Variants in MAP6 observed in about 807,000 individuals in gnomAD.
MAP6 encodes microtubule associated protein 6.
A neutral mutation model predicts 42.4 loss-of-function variants in MAP6; 26 were observed. That is an observed-to-expected ratio of 0.61 (90% CI 0.45 to 0.85). The LOEUF is 0.85. Ranked by LOEUF, MAP6 falls within the 40% of genes least tolerant of loss-of-function variation. The pLI is 0.00. For synonymous variants in MAP6, 418 were observed against 443.8 expected (o/e 0.94, Z 0.73); for missense variants, 966 against 1,099.0 (o/e 0.88, Z 1.71).
intron 1 of MAP6, among the ~76,000 whole-genome samples, chr11:75,645,465 G>A (rs1943540864): frequency 6.6e-6 from 1 of 152,094 alleles, no homozygotes; most frequent in South Asian, 2.1e-4. Context: ...CCAAGCTGAG[G>A]AATTAAGGTA....
intron 2 of MAP6, chr11:75,607,805 C>T (rs1942807498): frequency 4.0e-5 from 14 of 354,132 alleles, no homozygotes; most frequent in Non-Finnish European, 5.5e-5. Flanking sequence ...ATTTAGGGCT[C>T]AGGTGAGGTT....
Position 75,587,590 on chromosome 11 carries a change from C to T in MAP6, c.1911G>A (p.Lys637=). The change falls in exon 4 of 4, where the codon AAG becomes AAA. Residue 637 remains lysine, a synonymous_variant. Coordinates refer to ENST00000304771, the MANE Select transcript of MAP6 (RefSeq NM_033063.2). The part of the protein sequence containing the change: ...DEGPMVSAPI[K]DQDPMVPEHP... ...GCTCTGGGACCATGGGATCTTGATCCTTGATAGGTGCTGAGACCATGGGAC... is the reference window on the plus strand; with the variant it reads ...GCTCTGGGACCATGGGATCTTGATCTTTGATAGGTGCTGAGACCATGGGAC... 6.2e-7 allele frequency: 1 copy of T among 1,614,196 alleles called. No homozygotes were observed.
At position 75,668,104 on chromosome 11, in the gene MAP6, G is replaced by A. The variant is rs1943996243; in HGVS notation, c.266C>T (p.Pro89Leu). The change falls in exon 1 of 4, where the codon CCT becomes CTT. Residue 89 changes from proline to leucine, a missense_variant. Physicochemically the swap from Pro to Leu is moderately conservative, Grantham distance 98 (BLOSUM62 -3). This residue lies in a region of MAP6 where 943 missense variants were observed against 1,049.9 expected (regional missense o/e 0.90). Coordinates refer to ENST00000304771, the MANE Select transcript of MAP6 (RefSeq NM_033063.2). Reference sequence around the variant, plus strand: ...CGCCGCCGGCTCGCGCTCGCCGGTAGGCCCAGGCGCTGGCCCCGTTGCCCG... The same window carrying A: ...CGCCGCCGGCTCGCGCTCGCCGGTAAGCCCAGGCGCTGGCCCCGTTGCCCG... The part of the protein sequence containing the change: ...VARATGPAPG[P>L]TGEREPAAGP... 26 of 1,209,576 alleles carry A rather than the reference G, an allele frequency of 2.1e-5. No homozygotes were observed. In the South Asian group the frequency reaches 7.3e-4, roughly 34 times the overall value. The allele number at this position is 1,209,576 out of a possible 1,614,324, so 74.9% of individuals were successfully genotyped here.
intron 3 of MAP6, among the ~76,000 whole-genome samples, chr11:75,590,825 G>C (rs1942464322): frequency 6.6e-6 from 1 of 152,112 alleles, no homozygotes; most frequent in African/African-American, 2.4e-5. Context: ...AAATTAGCTG[G>C]GTGTGGTGGC....
At chr11:75,618,130 A>G (rs565021330) in intron 1 of MAP6, among the ~76,000 whole-genome samples, 23 of 151,174 alleles carry the variant, frequency 1.5e-4, no homozygotes, top group African/African-American at 5.1e-4. Flanking sequence ...TTTTTTTGAA[A>G]AAAGTGCTTA....
chr11:75,657,474 T>C (rs1943771476), intron 1 of MAP6, among the ~76,000 whole-genome samples: 1 of 152,148 alleles, frequency 6.6e-6, no homozygotes, highest in African/African-American at 2.4e-5. Flanking sequence ...TACTGGTGTG[T>C]AGTGCATCGA....
intron 1 of MAP6, among the ~76,000 whole-genome samples, chr11:75,663,917 A>G (rs1943899216): frequency 6.6e-6 from 1 of 152,206 alleles, no homozygotes; most frequent in Non-Finnish European, 1.5e-5. Flanking sequence ...ACCCTGGTTT[A>G]TTAATTCTAC....
Position 75,605,848 on chromosome 11 carries a change from G to A in MAP6, c.1276C>T (p.Gln426Ter). 1.2e-6 allele frequency: 2 copies of A among 1,614,014 alleles called. No homozygotes were observed. Among genetic ancestry groups the A allele is most frequent in the Non-Finnish European group, 1.7e-6 (2 of 1,180,024 alleles). ...AGTTTATTGTTCATCTCTTTGCTTT[G>A]CTCCTTGTCGTCTGGCTTGGTGGTA... ...PSTTKPDDKE[Q>*]SKEMNNKLAE... Residue 426 changes from glutamine to a stop codon, truncating the protein, a stop_gained, in exon 3 of 4, where the codon CAA (glutamine) becomes TAA (stop). Coordinates refer to ENST00000304771, the MANE Select transcript of MAP6 (RefSeq NM_033063.2). LOFTEE classifies it low-confidence loss of function (END_TRUNC).
At chr11:75,639,217 G>A (rs1204756702) in intron 1 of MAP6, among the ~76,000 whole-genome samples, 2 of 152,242 alleles carry the variant, frequency 1.3e-5, no homozygotes, top group East Asian at 3.9e-4. Flanking sequence ...TTTGGGTGAT[G>A]GGTACACTAA....
At chr11:75,611,418 T>C (rs1483615236) in intron 1 of MAP6, among the ~76,000 whole-genome samples, 1 of 152,242 alleles carries the variant, frequency 6.6e-6, no homozygotes, top group Non-Finnish European at 1.5e-5. Flanking sequence ...GTCTCACCTG[T>C]GAGCACTAAC....
intron 1 of MAP6, among the ~76,000 whole-genome samples, chr11:75,644,364 C>T (rs1231141721): frequency 1.3e-5 from 2 of 152,078 alleles, no homozygotes; most frequent in East Asian, 3.8e-4. Context: ...ATATAATGTA[C>T]ACAAAGCTGT....
intron 3 of MAP6, among the ~76,000 whole-genome samples, chr11:75,598,205 T>A (rs1361158113): frequency 6.6e-6 from 1 of 152,228 alleles, no homozygotes; most frequent in Non-Finnish European, 1.5e-5. Flanking sequence ...TTTGTATTAT[T>A]GTTATCTATT....
chr11:75,622,426 AAAG>A (rs1477940270), intron 1 of MAP6, among the ~76,000 whole-genome samples: 1 of 152,160 alleles, frequency 6.6e-6, no homozygotes. Context: ...AAATGTAAAA[AAAG>A]AAGTGCAATG....
At chr11:75,603,088 C>A (rs1942694434) in intron 3 of MAP6, 1 of 985,594 alleles carries the variant, frequency 1.0e-6, no homozygotes. Flanking sequence ...TAATTAGACA[C>A]TTCCTGTCTG....
At chr11:75,621,972 G>A (rs959110018) in intron 1 of MAP6, among the ~76,000 whole-genome samples, 10 of 151,922 alleles carry the variant, frequency 6.6e-5, no homozygotes, top group African/African-American at 2.4e-4. Context: ...GTAGTGATCT[G>A]AGATCATGCC....
chr11:75,625,317 T>A (rs889995590), intron 1 of MAP6, among the ~76,000 whole-genome samples: 3 of 152,216 alleles, frequency 2.0e-5, no homozygotes, highest in Non-Finnish European at 4.4e-5. Flanking sequence ...TGAAAACACC[T>A]AGTCTTTGGG....
intron 3 of MAP6, among the ~76,000 whole-genome samples, chr11:75,593,115 C>G (rs1942509670): frequency 1.3e-5 from 2 of 152,224 alleles, no homozygotes; most frequent in African/African-American, 4.8e-5. Flanking sequence ...CTTATCTCAG[C>G]TAATTCCTTG....
chr11:75,635,399 G>A (rs1351169721), intron 1 of MAP6, among the ~76,000 whole-genome samples: 2 of 152,238 alleles, frequency 1.3e-5, no homozygotes, highest in African/African-American at 4.8e-5. Context: ...TGCTTACAAA[G>A]TGTTCGTCTC....
At chr11:75,647,396 G>A (rs565310726) in intron 1 of MAP6, among the ~76,000 whole-genome samples, 8 of 137,844 alleles carry the variant, frequency 5.8e-5, no homozygotes, top group African/African-American at 1.4e-4. Flanking sequence ...TAACTTCCAC[G>A]TAGAAGGGAA....
Sources: gnomAD v4.1 joint callset for allele counts (sites outside exome capture counted in the v4.1 genomes callset) on GRCh38, gnomAD v4.1.1 for gene constraint, gnomAD v4.1.1 regional missense constraint, MANE v1.5 for transcripts, NCBI Gene and HGNC (gene_info 2026-07-23, HGNC 2026-07-21) for gene names.